TMEM178B: variants seen among roughly 807,000 people sequenced by gnomAD.
TMEM178B encodes the protein transmembrane protein 178B.
TMEM178B carries 5 observed loss-of-function variants against 31.0 expected under a neutral mutation model. The observed-to-expected ratio is 0.16, with a 90% CI of 0.08 to 0.34. TMEM178B has a LOEUF of 0.34. Among genes scored for constraint, TMEM178B ranks in the 10% least tolerant of loss-of-function variants. The pLI, the probability that TMEM178B is intolerant of heterozygous loss-of-function variation, is 1.00. For missense variants in TMEM178B, 275 were observed against 400.3 expected (o/e 0.69, Z 2.67); for synonymous variants, 164 against 164.0 (o/e 1.00, Z 0.00).
chr7:141,183,062 A>G (rs1440475936), intron 1 of TMEM178B, among the ~76,000 whole-genome samples: 2 of 152,238 alleles, frequency 1.3e-5, no homozygotes, highest in Non-Finnish European at 2.9e-5. Flanking sequence ...TTACTGGAGA[A>G]TCATATGTGC....
At chr7:141,341,578 G>A (rs766117282) in intron 2 of TMEM178B, among the ~76,000 whole-genome samples, 9 of 152,112 alleles carry the variant, frequency 5.9e-5, no homozygotes, top group Non-Finnish European at 7.4e-5. Context: ...ACCACGGACC[G>A]ACCATCTTCT....
intron 1 of TMEM178B, among the ~76,000 whole-genome samples, chr7:141,089,297 G>A (rs1442906889): frequency 6.6e-6 from 1 of 152,176 alleles, no homozygotes; most frequent in African/African-American, 2.4e-5. Flanking sequence ...AGCAGGCACT[G>A]GACAGGCAGA....
At chr7:141,206,876 T>C (rs116291335) in intron 1 of TMEM178B, among the ~76,000 whole-genome samples, 2,042 of 152,330 alleles carry the variant, frequency 0.013, 44 homozygotes, top group African/African-American at 0.047. Flanking sequence ...TAAGGTTATA[T>C]AGCAGATCTC....
intron 1 of TMEM178B, among the ~76,000 whole-genome samples, chr7:141,161,321 G>C (rs1796168439): frequency 1.3e-5 from 2 of 152,138 alleles, no homozygotes; most frequent in South Asian, 4.1e-4. Context: ...GCCACAGAGG[G>C]AGGGGATTTT....
intron 2 of TMEM178B, among the ~76,000 whole-genome samples, chr7:141,298,682 G>A (rs1465861162): frequency 6.6e-6 from 1 of 152,206 alleles, no homozygotes; most frequent in African/African-American, 2.4e-5. Flanking sequence ...GGATGTCCAG[G>A]GTGATTGAAA....
chr7:141,501,606 A>G, the TMEM178B span, among the ~76,000 whole-genome samples: 1 of 152,212 alleles, frequency 6.6e-6, no homozygotes, highest in Non-Finnish European at 1.5e-5. Context: ...GACTTTGAGT[A>G]AAACAAATTA....
chr7:141,279,634 A>T (rs571122059), intron 2 of TMEM178B, among the ~76,000 whole-genome samples: 1 of 152,350 alleles, frequency 6.6e-6, no homozygotes, highest in Admixed American at 6.5e-5. Flanking sequence ...AGCTGGACTC[A>T]GAGGCGTGCA....
At chr7:141,464,091 G>C (rs1802108231) in intron 3 of TMEM178B, among the ~76,000 whole-genome samples, 3 of 152,208 alleles carry the variant, frequency 2.0e-5, no homozygotes, top group Admixed American at 2.0e-4. Context: ...CCTTTCAGAA[G>C]TTAGAGGCAT....
chr7:141,446,447 C>T (rs920359032), intron 3 of TMEM178B, among the ~76,000 whole-genome samples: 2 of 152,228 alleles, frequency 1.3e-5, no homozygotes, highest in African/African-American at 4.8e-5. Context: ...AATGCTAAGA[C>T]AGAGCAGCCC....
At chr7:141,348,366 TG>T (rs751278701) in intron 2 of TMEM178B, among the ~76,000 whole-genome samples, 2 of 152,214 alleles carry the variant, frequency 1.3e-5, no homozygotes, top group Non-Finnish European at 2.9e-5. Flanking sequence ...ACAGGATTCA[TG>T]TGGTCTTTAC....
chr7:141,084,744 C>A (rs958175716), intron 1 of TMEM178B, among the ~76,000 whole-genome samples: 4 of 152,178 alleles, frequency 2.6e-5, no homozygotes, highest in African/African-American at 9.7e-5. Context: ...TCCTAAAAGG[C>A]AGCCATTGCT....
intron 2 of TMEM178B, among the ~76,000 whole-genome samples, chr7:141,388,481 T>C (rs1028614791): frequency 1.3e-5 from 2 of 152,240 alleles, no homozygotes; most frequent in African/African-American, 4.8e-5. Context: ...TGAATTCTTC[T>C]AAACAATGAG....
intron 1 of TMEM178B, among the ~76,000 whole-genome samples, chr7:141,116,514 G>A (rs1461956591): frequency 6.6e-6 from 1 of 152,046 alleles, no homozygotes; most frequent in Non-Finnish European, 1.5e-5. Context: ...AATGAACTTG[G>A]AGACTTTTTT....
intron 2 of TMEM178B, among the ~76,000 whole-genome samples, chr7:141,355,273 A>G (rs1040881272): frequency 6.6e-5 from 10 of 152,194 alleles, no homozygotes; most frequent in Non-Finnish European, 7.3e-5. Flanking sequence ...AACTCAGGAA[A>G]TAAAGGGAGT....
chr7:141,166,426 C>T (rs1796261923), intron 1 of TMEM178B, among the ~76,000 whole-genome samples: 1 of 152,194 alleles, frequency 6.6e-6, no homozygotes, highest in African/African-American at 2.4e-5. Flanking sequence ...AGCAGCAGTG[C>T]ATCCATGTTA....
intron 2 of TMEM178B, among the ~76,000 whole-genome samples, chr7:141,295,794 G>A (rs559926356): frequency 6.6e-6 from 1 of 152,308 alleles, no homozygotes; most frequent in East Asian, 1.9e-4. Flanking sequence ...CCTGGAGGCA[G>A]GTGAAAGAGC....
intron 2 of TMEM178B, among the ~76,000 whole-genome samples, chr7:141,366,673 A>G (rs1264492448): frequency 2.0e-5 from 3 of 151,628 alleles, no homozygotes; most frequent in Non-Finnish European, 4.4e-5. Flanking sequence ...CTTTTCTTTA[A>G]CGGCCATTTC....
chr7:141,470,816 A>AT lies in TMEM178B; in HGVS notation c.*31dup. 1 of 995,538 alleles carries AT rather than the reference A, an allele frequency of 1.0e-6. No individual in the cohort carries two copies. The highest frequency in any genetic ancestry group is 1.3e-6 in the Non-Finnish European group (1 of 798,208). The allele number at this position is 995,538 out of a possible 1,614,324, so 61.7% of individuals were successfully genotyped here. On this transcript the variant is annotated 3_prime_UTR_variant, in exon 4 of 4. Coordinates refer to ENST00000565468, the MANE Select transcript of TMEM178B (RefSeq NM_001195278.2). Reference sequence around the variant, plus strand: ...CAAACCCATACATACATATATATATATAAATATATATATATAATATACATA... The same window carrying AT: ...CAAACCCATACATACATATATATATATTAAATATATATATATAATATACATA...
At chr7:141,346,701 GAGA>G (rs1387542307) in intron 2 of TMEM178B, among the ~76,000 whole-genome samples, 1 of 152,068 alleles carries the variant, frequency 6.6e-6, no homozygotes, top group Non-Finnish European at 1.5e-5. Flanking sequence ...CACAGAAGGA[GAGA>G]AGAAAGAAAG....
Sources: gnomAD v4.1 joint callset for allele counts (sites outside exome capture counted in the v4.1 genomes callset) on GRCh38, gnomAD v4.1.1 for gene constraint, MANE v1.5 for transcripts, NCBI Gene and HGNC (gene_info 2026-07-23, HGNC 2026-07-21) for gene names.